P3H3: variants seen among roughly 807,000 people sequenced by gnomAD.
P3H3 encodes the protein prolyl 3-hydroxylase 3.
A neutral mutation model predicts 78.1 loss-of-function variants in P3H3; 64 were observed. That is an observed-to-expected ratio of 0.82 (90% confidence interval 0.67 to 1.01). The LOEUF (loss-of-function observed/expected upper bound fraction) is 1.01. Among genes scored for constraint, P3H3 ranks in the 50% least tolerant of loss-of-function variants. P3H3 has a pLI of 0.00. For missense variants in P3H3, 975 were observed against 982.2 expected (o/e 0.99, Z 0.10); for synonymous variants, 425 against 416.7 (o/e 1.02, Z -0.24).
intron 7 of P3H3, 24 bp from the exon 8 acceptor site, chr12:6,833,718 C>A (rs1555121732): frequency 6.2e-7 from 1 of 1,600,548 alleles, no homozygotes; most frequent in Non-Finnish European, 8.6e-7. Flanking sequence ...TGGGCACCCA[C>A]TGAGCGCATC....
chr12:6,829,278 T>C lies in P3H3; in HGVS notation c.498+340T>C. On this transcript the variant is annotated intron_variant, in intron 1 of 14. Coordinates refer to ENST00000290510, the MANE Select transcript of P3H3 (RefSeq NM_014262.5). This position sits in a 1 kb window ranked among gnomAD's most constrained non-coding sequence, Gnocchi z 5.1. ...CCGGCTCTCGGACGGGAAGTGTGCG[T>C]GGGTGTGTGTGTGTGTCGGGGGTGG... The C allele has an allele frequency of 3.5e-6, 1 of 285,166 alleles. No homozygotes were observed. Among genetic ancestry groups the C allele is most frequent in the Non-Finnish European group, 6.5e-6 (1 of 154,104 alleles). The allele number at this position is 285,166 out of a possible 1,614,324, so 17.7% of individuals were successfully genotyped here.
At position 6,837,589 on chromosome 12, in the gene P3H3, C is replaced by A. The variant is rs781896176; in HGVS notation, c.1711+16C>A. 3 of 1,610,076 alleles carry A rather than the reference C, an allele frequency of 1.9e-6. No homozygotes were observed. The East Asian group carries it at 6.7e-5, about 36-fold the overall frequency. On this transcript the variant is annotated intron_variant, in intron 11 of 14. Coordinates refer to ENST00000290510, the MANE Select transcript of P3H3 (RefSeq NM_014262.5). ...GCCATAGAAGGTACGACAGGGACCC[C>A]CCACTGCTCTTCTCCAACCTCAGGC...
rs1943428430 is a variant in P3H3, at chr12:6,829,840, C to T, written c.499-19C>T. The T allele has an allele frequency of 6.2e-7, 1 of 1,613,778 alleles. No homozygotes were observed. The highest frequency in any genetic ancestry group is 8.5e-7 in the Non-Finnish European group (1 of 1,179,850). On this transcript the variant is annotated intron_variant, in intron 1 of 14. Coordinates refer to ENST00000290510, the MANE Select transcript of P3H3 (RefSeq NM_014262.5). The surrounding 1 kb of genome is among the most constrained non-coding windows in gnomAD (Gnocchi z 5.1). ...CCCCGTCCCAGGGCTCTGATGCCCT[C>T]CTCCCTTCGCCTCCTCAGTTGAAGA...
Position 6,837,077 on chromosome 12 carries a change from G to A in P3H3, c.1551G>A (p.Lys517=). 7 of 1,603,542 alleles carry A rather than the reference G, an allele frequency of 4.4e-6. No individual in the cohort carries two copies. The highest frequency in any genetic ancestry group is 5.1e-6 in the Non-Finnish European group (6 of 1,179,476). ...HERFEGLTVL[K]AAQLARAGTV... is the part of the protein sequence containing the mutation. ...GCTTCGAGGGGCTCACGGTGCTTAA[G>A]GCTGCGCAGGTGAGCACAGGAGGCA... Residue 517 remains lysine (K), a synonymous_variant, in exon 10 of 15, where the codon AAG becomes AAA. Coordinates refer to ENST00000290510, the MANE Select transcript of P3H3 (RefSeq NM_014262.5).
Position 6,828,695 on chromosome 12 carries a change from G to A in P3H3, c.255G>A (p.Pro85=), listed in dbSNP as rs1161881690. 1.0e-5 allele frequency: 13 copies of A among 1,243,944 alleles called. No homozygotes were observed. The highest frequency in any genetic ancestry group is 3.1e-5 in the African/African-American group (2 of 63,974). 77.1% of individuals were successfully genotyped at this position (1,243,944 alleles called of 1,614,324 possible). ...LDCGASCAAD[P]GAALPAVLLG... ...GCGGGGCGAGCTGCGCGGCCGATCC[G>A]GGCGCCGCGCTCCCCGCCGTGCTTC... The change falls in exon 1 of 15, where the codon CCG becomes CCA. Residue 85 remains proline, a synonymous_variant. Transcript: ENST00000290510.
intron 9 of P3H3, among the ~76,000 whole-genome samples, chr12:6,835,931 C>T (rs985987762): frequency 1.3e-5 from 2 of 152,118 alleles, no homozygotes; most frequent in South Asian, 2.1e-4. Flanking sequence ...GAGTAATTGA[C>T]GAATGCCACC....
At position 6,829,737 on chromosome 12, in the gene P3H3, C is replaced by G; in HGVS notation, c.499-122C>G. ...CGGTGGGCGGTTCTGATTGGCCAGT[C>G]TTCCATGAGGCTCTGGGGCACCCAG... On this transcript the variant is annotated intron_variant, in intron 1 of 14. Transcript: ENST00000290510. The surrounding 1 kb of genome is among the most constrained non-coding windows in gnomAD (Gnocchi z 5.1). 4.8e-6 allele frequency: 5 copies of G among 1,049,600 alleles called. No individual in the cohort carries two copies. The highest frequency in any genetic ancestry group is 7.2e-6 in the Non-Finnish European group (5 of 698,888). The allele number at this position is 1,049,600 out of a possible 1,614,324, so 65.0% of individuals were successfully genotyped here.
rs1943450697 is a variant in P3H3, at chr12:6,831,482, C to T, written c.1122+130C>T. ...TCTAGTCACCCAAAGGACTCCAAGT[C>T]CAGCATCTGACTTCCGTCTCCACTC... On this transcript the variant is annotated intron_variant, in intron 5 of 14. Coordinates refer to ENST00000290510, the MANE Select transcript of P3H3 (RefSeq NM_014262.5). The surrounding 1 kb of genome is among the most constrained non-coding windows in gnomAD (Gnocchi z 4.6). The T allele has an allele frequency of 2.3e-6, 3 of 1,298,884 alleles. No individual in the cohort carries two copies. The highest frequency in any genetic ancestry group is 2.1e-6 in the Non-Finnish European group (2 of 955,298). The allele number at this position is 1,298,884 out of a possible 1,614,324, so 80.5% of individuals were successfully genotyped here.
At position 6,831,545 on chromosome 12, in the gene P3H3, C is replaced by T. The variant is rs1433579070; in HGVS notation, c.1122+193C>T. Among the ~76,000 whole-genome samples the T allele has an allele frequency of 2.0e-5, 3 of 152,102 alleles. No individual in the cohort carries two copies. The highest frequency in any genetic ancestry group is 2.0e-4 in the Admixed American group (3 of 15,274). ...GGCAGCCTGGAGTTCCGATTCCAGC[C>T]CTCAGCCCCGTCTCTCTTGCCTTTA... On this transcript the variant is annotated intron_variant, in intron 5 of 14. Coordinates refer to ENST00000290510, the MANE Select transcript of P3H3 (RefSeq NM_014262.5). This position sits in a 1 kb window ranked among gnomAD's most constrained non-coding sequence, Gnocchi z 4.6.
intron 9 of P3H3, among the ~76,000 whole-genome samples, chr12:6,836,093 G>A (rs1943493198): frequency 6.6e-6 from 1 of 151,996 alleles, no homozygotes; most frequent in Non-Finnish European, 1.5e-5. Flanking sequence ...GGGCCTATGC[G>A]CCTATATGTT....
chr12:6,828,672 G>C lies in P3H3; in HGVS notation c.232G>C (p.Gly78Arg), dbSNP rs1943409314. 4.0e-6 allele frequency: 5 copies of C among 1,235,928 alleles called. No individual in the cohort carries two copies. The highest frequency in any genetic ancestry group is 6.7e-5 in the South Asian group (2 of 29,818). 76.6% of individuals were successfully genotyped at this position (1,235,928 alleles called of 1,614,324 possible). A position where few individuals can be genotyped will look rare whatever the true frequency, so the allele number is the denominator to read the frequency against. ...AALGRVRLDC[G>R]ASCAADPGAA... Reference sequence around the variant, plus strand: ...GCTGGGCCGGGTGCGGCTGGATTGCGGGGCGAGCTGCGCGGCCGATCCGGG... The same window carrying C: ...GCTGGGCCGGGTGCGGCTGGATTGCCGGGCGAGCTGCGCGGCCGATCCGGG... The change falls in exon 1 of 15, where the codon GGG (glycine) becomes CGG (arginine). Residue 78 changes from glycine to arginine, a missense_variant. Transcript: ENST00000290510.
Position 6,833,925 on chromosome 12 carries a change from A to G in P3H3, c.1334A>G (p.Asp445Gly), listed in dbSNP as rs782309585. 2 of 1,613,802 alleles carry G rather than the reference A, an allele frequency of 1.2e-6. No homozygotes were observed. Among genetic ancestry groups the G allele is most frequent in the African/African-American group, 2.7e-5 (2 of 74,916 alleles). ...VKPKPLTYWKDVLLLEGVTLT... is the reference protein window; with the variant it reads ...VKPKPLTYWKGVLLLEGVTLT... Reference sequence around the variant, plus strand: ...CTCTGCTCTGTCTTTTCCCTGGCAGATGTCCTTCTCCTGGAGGGTGTGACC... The same window carrying G: ...CTCTGCTCTGTCTTTTCCCTGGCAGGTGTCCTTCTCCTGGAGGGTGTGACC... The change falls in exon 9 of 15, where the codon GAT becomes GGT. Residue 445 changes from aspartate (D) to glycine (G), a missense_variant and splice_region_variant. Physicochemically the swap from Asp to Gly is moderately conservative, Grantham distance 94. Coordinates refer to ENST00000290510, the MANE Select transcript of P3H3 (RefSeq NM_014262.5).
Position 6,831,762 on chromosome 12 carries a change from C to A in P3H3, c.1123-63C>A. The A allele has an allele frequency of 9.6e-7, 1 of 1,043,042 alleles. No homozygotes were observed. The highest frequency in any genetic ancestry group is 1.5e-6 in the Non-Finnish European group (1 of 681,178). 64.6% of individuals were successfully genotyped at this position (1,043,042 alleles called of 1,614,324 possible). Reference sequence around the variant, plus strand: ...GAGCATGGAGCACCCAGGCAGTGCCCTAGAGCCGGCGCTTCCCTGCCTTCC... The same window carrying A: ...GAGCATGGAGCACCCAGGCAGTGCCATAGAGCCGGCGCTTCCCTGCCTTCC... On this transcript the variant is annotated intron_variant, in intron 5 of 14. Transcript: ENST00000290510. The surrounding 1 kb of genome is among the most constrained non-coding windows in gnomAD (Gnocchi z 4.6).
In P3H3 at chr12:6,829,529, T is replaced by C; in HGVS notation, c.499-330T>C. 2.8e-6 allele frequency: 1 copy of C among 352,518 alleles called. No individual in the cohort carries two copies. The allele number at this position is 352,518 out of a possible 1,614,324, so 21.8% of individuals were successfully genotyped here. ...GAGACCTGCGGGTTTTGCTGGTCGC[T>C]GAGGTCTCCCCCACTTCCCCACCTC... On this transcript the variant is annotated intron_variant, in intron 1 of 14. Transcript: ENST00000290510. This position sits in a 1 kb window ranked among gnomAD's most constrained non-coding sequence, Gnocchi z 5.1.
rs1943471268 is a variant in P3H3, at chr12:6,833,810, G to A, written c.1333+1G>A. 6.2e-7 allele frequency: 1 copy of A among 1,612,092 alleles called. No homozygotes were observed. Among genetic ancestry groups the A allele is most frequent in the Non-Finnish European group, 8.5e-7 (1 of 1,178,214 alleles). On this transcript the variant is annotated splice_donor_variant, in intron 8 of 14. Transcript: ENST00000290510. LOFTEE classifies it high-confidence loss of function. The stretch of plus-strand genomic sequence containing the variant: ...CCAAAGCCCTTGACCTACTGGAAGG[G>A]TGAGTTCCTGGGAGGGAGAAGGCAG...
chr12:6,835,837 CAGGGTCT>C (rs1943490626), intron 9 of P3H3, among the ~76,000 whole-genome samples: 2 of 152,048 alleles, frequency 1.3e-5, no homozygotes, highest in Non-Finnish European at 2.9e-5. Context: ...GAATCAGGTG[CAGGGTCT>C]GGAGTCACCT....
At chr12:6,837,875 C>G in intron 12 of P3H3, 26 bp downstream of exon 12, 2 of 1,596,888 alleles carry the variant, frequency 1.3e-6, no homozygotes, top group Non-Finnish European at 1.7e-6. Context: ...AGTGGTCAGG[C>G]AGGTGGGCAG....
At chr12:6,833,674 T>C in intron 7 of P3H3, 30 bp downstream of exon 7, 7 of 1,610,338 alleles carry the variant, frequency 4.3e-6, no homozygotes, top group Non-Finnish European at 5.1e-6. Context: ...GGGAGGGGCT[T>C]GGCCCGAGCT....
rs781941619 is a variant in P3H3, at chr12:6,829,832, G to A, written c.499-27G>A. ...GGTCTGCCCCCCGTCCCAGGGCTCTGATGCCCTCCTCCCTTCGCCTCCTCA... is the reference window on the plus strand; with the variant it reads ...GGTCTGCCCCCCGTCCCAGGGCTCTAATGCCCTCCTCCCTTCGCCTCCTCA... On this transcript the variant is annotated intron_variant, in intron 1 of 14. Coordinates refer to ENST00000290510, the MANE Select transcript of P3H3 (RefSeq NM_014262.5). This position sits in a 1 kb window ranked among gnomAD's most constrained non-coding sequence, Gnocchi z 5.1. 2 of 1,613,502 alleles carry A rather than the reference G, an allele frequency of 1.2e-6. No homozygotes were observed. The highest frequency in any genetic ancestry group is 8.5e-7 in the Non-Finnish European group (1 of 1,179,706).
Sources: allele counts gnomAD v4.1 joint callset (sites outside exome capture counted in the v4.1 genomes callset), GRCh38; gene constraint gnomAD v4.1.1; non-coding constraint Gnocchi (gnomAD v3.1); transcripts MANE v1.5; gene names NCBI Gene and HGNC (gene_info 2026-07-23, HGNC 2026-07-21).